NTM: variants seen among roughly 807,000 people sequenced by gnomAD.
NTM encodes the protein IgLON family member 2.
A neutral mutation model predicts 42.1 loss-of-function variants in NTM; 13 were observed. The observed-to-expected ratio is 0.31, with a 90% CI of 0.20 to 0.49. The LOEUF is 0.49. Ranked by LOEUF, NTM falls within the 20% of genes least tolerant of loss-of-function variation. NTM has a pLI of 0.99. For missense variants in NTM, 373 were observed against 452.8 expected (o/e 0.82, Z 1.60); for synonymous variants, 187 against 179.2 (o/e 1.04, Z -0.35).
At chr11:131,871,671 T>C (rs1389331070) in intron 1 of NTM, among the ~76,000 whole-genome samples, 1 of 152,320 alleles carries the variant, frequency 6.6e-6, no homozygotes, top group African/African-American at 2.4e-5. Flanking sequence ...TCCAAGGAGA[T>C]GCATGGAGAG....
intron 1 of NTM, among the ~76,000 whole-genome samples, chr11:131,849,179 C>CT (rs1457184461): frequency 2.6e-5 from 4 of 152,176 alleles, no homozygotes; most frequent in African/African-American, 7.2e-5. Flanking sequence ...GACGTAGATC[C>CT]TGCTCCCAGG....
At chr11:131,370,982 G>T (rs575201127) in intron 1 of NTM, 94 bp downstream of exon 1, 7 of 1,571,910 alleles carry the variant, frequency 4.5e-6, no homozygotes, top group Non-Finnish European at 6.0e-6. Context: ...GCTGTGCTGC[G>T]CTGTTTGCAG....
intron 7 of NTM, among the ~76,000 whole-genome samples, chr11:132,315,438 C>T (rs2095403590): frequency 6.6e-6 from 1 of 152,190 alleles, no homozygotes; most frequent in Non-Finnish European, 1.5e-5. Flanking sequence ...AACGCAGATT[C>T]TCCCTAAAGG....
intron 1 of NTM, among the ~76,000 whole-genome samples, chr11:131,721,174 A>G (rs1277640379): frequency 6.6e-6 from 1 of 152,088 alleles, no homozygotes; most frequent in Non-Finnish European, 1.5e-5. Context: ...ACCCCGGGAA[A>G]CCAGAGTAAC....
At chr11:132,114,600 A>G (rs2063635965) in intron 2 of NTM, among the ~76,000 whole-genome samples, 1 of 152,054 alleles carries the variant, frequency 6.6e-6, no homozygotes, top group Non-Finnish European at 1.5e-5. Context: ...CAGATAACTC[A>G]CTCATGATCC....
At chr11:132,097,150 G>C (rs1384507886) in intron 2 of NTM, among the ~76,000 whole-genome samples, 1 of 152,178 alleles carries the variant, frequency 6.6e-6, no homozygotes, top group East Asian at 1.9e-4. Flanking sequence ...TTACAGAGAG[G>C]CTGCTTAAGA....
In NTM at chr11:132,306,077, C is replaced by T. The variant is rs374465201; in HGVS notation, c.527-1612C>T. Among the ~76,000 whole-genome samples the T allele has an allele frequency of 7.9e-5, 12 of 152,316 alleles. No homozygotes were observed. In the East Asian group the frequency reaches 1.9e-3, roughly 24 times the overall value. On this transcript the variant is annotated intron_variant, in intron 4 of 8. Transcript: ENST00000683400. The stretch of plus-strand genomic sequence containing the variant: ...GATGAGGCCCCGGTTGGGCCTACTG[C>T]TGGGCAGTGGCACAGACTTATCATG...
rs562530665 is a variant in NTM at position 132,262,366 on chromosome 11, C to T, written c.527-45323C>T. Among the ~76,000 whole-genome samples, 26 of 152,248 alleles carry T rather than the reference C, an allele frequency of 1.7e-4. No individual in the cohort carries two copies. In the South Asian group the frequency reaches 2.7e-3, roughly 16 times the overall value. ...TTTGGCCATTTTGTTTGCCACTGGC[C>T]ACGGTTGACTAAGGCTGCTATAACA... On this transcript the variant is annotated intron_variant, in intron 4 of 8. Coordinates refer to ENST00000683400, the MANE Select transcript of NTM (RefSeq NM_001352005.2).
At chr11:131,981,849 A>G (rs111813805) in intron 2 of NTM, among the ~76,000 whole-genome samples, 150 of 151,966 alleles carry the variant, frequency 9.9e-4, no homozygotes, top group African/African-American at 3.4e-3. Context: ...CATCTCTACT[A>G]AAAAATACAA....
chr11:132,289,818 G>C (rs1037258875), intron 4 of NTM, among the ~76,000 whole-genome samples: 9 of 152,182 alleles, frequency 5.9e-5, no homozygotes, highest in African/African-American at 2.2e-4. Context: ...CTCAGGGCAG[G>C]GTCGAGGGAA....
In NTM at chr11:132,168,566, C is replaced by T. The variant is rs548080297; in HGVS notation, c.400+22052C>T. Among the ~76,000 whole-genome samples, 166 of 152,306 alleles carry T rather than the reference C, an allele frequency of 1.1e-3. 2 individuals carry two copies. The highest frequency in any genetic ancestry group is 3.7e-3 in the African/African-American group (153 of 41,580). ...AACTCAACCTCCTCTGGGACTGAGA[C>T]GTTTGAAAACAGTGCAGCAGCCTCA... On this transcript the variant is annotated intron_variant, in intron 3 of 8. Coordinates refer to ENST00000683400, the MANE Select transcript of NTM (RefSeq NM_001352005.2).
chr11:131,583,806 A>C (rs1446771153), intron 1 of NTM, among the ~76,000 whole-genome samples: 1 of 152,206 alleles, frequency 6.6e-6, no homozygotes, highest in Admixed American at 6.5e-5. Context: ...ATTTATTCTA[A>C]ATTTCTTATG....
intron 1 of NTM, among the ~76,000 whole-genome samples, chr11:131,860,511 C>A (rs761325004): frequency 6.6e-6 from 1 of 152,222 alleles, no homozygotes; most frequent in Non-Finnish European, 1.5e-5. Flanking sequence ...GGACGCTGGT[C>A]ATATCGTCAC....
chr11:131,803,424 T>C (rs1015430238), intron 1 of NTM, among the ~76,000 whole-genome samples: 1 of 152,040 alleles, frequency 6.6e-6, no homozygotes, highest in Non-Finnish European at 1.5e-5. Context: ...TTCTCCTGCC[T>C]CAGCCTCCCA....
chr11:131,412,605 G>A (rs1992894), intron 1 of NTM, among the ~76,000 whole-genome samples: 74,958 of 151,904 alleles, frequency 0.49, 20,436 homozygotes, highest in Non-Finnish European at 0.61. Context: ...TTGTTGATTC[G>A]CCCAAGTAAT....
chr11:131,502,217 G>T (rs1354859241), intron 1 of NTM, among the ~76,000 whole-genome samples: 1 of 152,040 alleles, frequency 6.6e-6, no homozygotes, highest in Non-Finnish European at 1.5e-5. Flanking sequence ...AGGTGATTAG[G>T]TCATGGCAGA....
chr11:132,238,795 A>G (rs181009257), intron 4 of NTM, among the ~76,000 whole-genome samples: 4 of 152,314 alleles, frequency 2.6e-5, no homozygotes, highest in Non-Finnish European at 5.9e-5. Context: ...ACTTTGTTAA[A>G]GTGCAGATTC....
At chr11:131,626,182 A>G (rs1233364641) in intron 1 of NTM, among the ~76,000 whole-genome samples, 1 of 152,176 alleles carries the variant, frequency 6.6e-6, no homozygotes, top group African/African-American at 2.4e-5. Flanking sequence ...AGAAGTCTTC[A>G]ATGTTCAAAC....
intron 1 of NTM, among the ~76,000 whole-genome samples, chr11:131,742,400 T>A (rs2081306265): frequency 6.6e-6 from 1 of 152,246 alleles, no homozygotes; most frequent in South Asian, 2.1e-4. Flanking sequence ...CCTTTGGTTC[T>A]ATTTATATTG....
Sources: allele counts gnomAD v4.1 joint callset (sites outside exome capture counted in the v4.1 genomes callset), GRCh38; gene constraint gnomAD v4.1.1; transcripts MANE v1.5; gene names NCBI Gene and HGNC (gene_info 2026-07-23, HGNC 2026-07-21).